Variants in MCAM observed in about 807,000 individuals in gnomAD.
MCAM encodes the protein cell surface glycoprotein MUC18.
In MCAM, 55 loss-of-function variants were observed where a neutral mutation model predicts 79.1. The observed-to-expected ratio is 0.70, with a 90% CI of 0.56 to 0.87. The LOEUF is 0.87. Ranked by LOEUF, MCAM falls within the 40% of genes least tolerant of loss-of-function variation. The pLI is 0.00. For missense variants in MCAM, 745 were observed against 839.8 expected, an observed-to-expected ratio of 0.89 and a Z score of 1.40; for synonymous variants, 330 against 339.8, an observed-to-expected ratio of 0.97 and a Z score of 0.32.
At chr11:119,314,270 C>T (rs1950276549) in intron 5 of MCAM, 4 of 545,692 alleles carry the variant, frequency 7.3e-6, no homozygotes, top group Middle Eastern at 5.2e-4. Context: ...ATCCTCCTGC[C>T]TCAGCCTCCC....
In MCAM at chr11:119,315,082, A is replaced by G. The variant is rs762031691; in HGVS notation, c.193-42T>C. The stretch of plus-strand genomic sequence containing the variant: ...CAGAGGAGGAGAAGGGTCCTGGGCT[A>G]CAAGAGGGGCAGAGTCTCCCTCCCC... On this transcript the variant is annotated intron_variant, in intron 2 of 15. Transcript: ENST00000264036. The surrounding 1 kb of genome is among the most constrained non-coding windows in gnomAD (Gnocchi z 4.4). The G allele has an allele frequency of 6.2e-6, 10 of 1,611,096 alleles. No homozygotes were observed. The highest frequency in any genetic ancestry group is 2.7e-5 in the African/African-American group (2 of 74,898).
Position 119,317,088 on chromosome 11 carries a change from C to T in MCAM, c.14G>A (p.Arg5Lys). Residue 5 changes from arginine (R) to lysine (K), a missense_variant, in exon 1 of 16, where the codon AGG (arginine) becomes AAG (lysine). Coordinates refer to ENST00000264036, the MANE Select transcript of MCAM (RefSeq NM_006500.3). This position sits in a 1 kb window ranked among gnomAD's most constrained non-coding sequence, Gnocchi z 6.2. ...GGCGAGCAAGAAGGCGCAGACCAGCCTGGGAAGCCCCATGCTTCCCGGCCG... is the reference window on the plus strand; with the variant it reads ...GGCGAGCAAGAAGGCGCAGACCAGCTTGGGAAGCCCCATGCTTCCCGGCCG... Reference protein sequence around the residue: MGLPRLVCAFLLAAC... With the variant: MGLPKLVCAFLLAAC... The T allele has an allele frequency of 2.6e-6, 4 of 1,531,358 alleles. No individual in the cohort carries two copies. The highest frequency in any genetic ancestry group is 3.5e-6 in the Non-Finnish European group (4 of 1,142,994). 94.9% of individuals were successfully genotyped at this position (1,531,358 alleles called of 1,614,324 possible).
Position 119,309,910 on chromosome 11 carries a change from C to A in MCAM, c.1917G>T (p.Glu639Asp), listed in dbSNP as rs1024423215. 6.2e-7 allele frequency: 1 copy of A among 1,601,418 alleles called. No homozygotes were observed. Among genetic ancestry groups the A allele is most frequent in the Admixed American group, 1.7e-5 (1 of 58,074 alleles). ...GCTAATGCCTCAGATCGATGTATTT[C>A]TCTCCCTAAAAGTGGGTAGAGGAGA... is the stretch of plus-strand genomic sequence containing the variant. ...GDKRAPGDQGEKYIDLRH is the reference protein window; with the variant it reads ...GDKRAPGDQGDKYIDLRH Residue 639 changes from glutamate to aspartate, a missense_variant, in exon 16 of 16, where the codon GAG (glutamate) becomes GAT (aspartate). By Grantham distance (45) the Glu-to-Asp change is conservative. Coordinates refer to ENST00000264036, the MANE Select transcript of MCAM (RefSeq NM_006500.3).
chr11:119,312,303 T>C lies in MCAM; in HGVS notation c.987A>G (p.Ile329Met), dbSNP rs1366199302. 1 of 1,614,070 alleles carries C rather than the reference T, an allele frequency of 6.2e-7. No homozygotes were observed. The highest frequency in any genetic ancestry group is 8.5e-7 in the Non-Finnish European group (1 of 1,179,996). Residue 329 changes from isoleucine to methionine, a missense_variant, in exon 8 of 16, where the codon ATA becomes ATG. Transcript: ENST00000264036. This position sits in a 1 kb window ranked among gnomAD's most constrained non-coding sequence, Gnocchi z 4.9. ...ECQGLDLDTMISLLSEPQELL... is the reference protein window; with the variant it reads ...ECQGLDLDTMMSLLSEPQELL... ...GTTCCTGTGGTTCACTCAGCAGCGA[T>C]ATCATGGTGTCCAAGTCCAGGCCCT...
chr11:119,315,533 A>C lies in MCAM; in HGVS notation c.68-270T>G. ...CAGCTGAGGCTGGTAGAGGGGCAGA[A>C]AGGGGCAACCTAGGCTCGGGGCCAA... On this transcript the variant is annotated intron_variant, in intron 1 of 15. Transcript: ENST00000264036. The surrounding 1 kb of genome is among the most constrained non-coding windows in gnomAD (Gnocchi z 4.4). 2.2e-6 allele frequency: 1 copy of C among 461,916 alleles called. No homozygotes were observed. The allele number at this position is 461,916 out of a possible 1,614,324, so 28.6% of individuals were successfully genotyped here. A position where few individuals can be genotyped will look rare whatever the true frequency, so the allele number is the denominator to read the frequency against.
rs112778671 is a variant in MCAM, at chr11:119,312,526, C to G, written c.861+1G>C. On this transcript the variant is annotated splice_donor_variant, in intron 7 of 15. Coordinates refer to ENST00000264036, the MANE Select transcript of MCAM (RefSeq NM_006500.3). LOFTEE classifies it high-confidence loss of function. This position sits in a 1 kb window ranked among gnomAD's most constrained non-coding sequence, Gnocchi z 4.9. ...CTGCACCCAGCACAAAGCCCCCACA[C>G]CTGCTTGCTGATGCTGAAGTGTGGT... The G allele has an allele frequency of 6.2e-7, 1 of 1,614,168 alleles. No individual in the cohort carries two copies. The highest frequency in any genetic ancestry group is 8.5e-7 in the Non-Finnish European group (1 of 1,180,038).
intron 14 of MCAM, 30 bp downstream of exon 14, chr11:119,310,726 C>G: frequency 1.2e-6 from 2 of 1,601,902 alleles, no homozygotes; most frequent in Non-Finnish European, 1.7e-6. Context: ...GCAAAACGGG[C>G]GGGGGCGGAG....
chr11:119,313,643 C>T (rs969859410), intron 5 of MCAM: 7 of 250,636 alleles, frequency 2.8e-5, no homozygotes, highest in South Asian at 1.0e-4. Flanking sequence ...TCAGGTGATC[C>T]GCCCACCTTG....
In MCAM at chr11:119,314,550, C is replaced by A; in HGVS notation, c.498G>T (p.Gly166=). Residue 166 remains glycine (G), a synonymous_variant, in exon 5 of 16, where the codon GGG becomes GGT. Transcript: ENST00000264036. ...ACCAGATGACTTGAGGAATGGGGTA[C>A]CCGTTCCTCCCTACACAGGTAGCGA... ...EEVATCVGRN[G]YPIPQVIWYK... The A allele has an allele frequency of 6.2e-7, 1 of 1,613,874 alleles. No individual in the cohort carries two copies. The highest frequency in any genetic ancestry group is 2.2e-5 in the East Asian group (1 of 44,874).
intron 5 of MCAM, chr11:119,313,199 A>G: frequency 1.4e-6 from 2 of 1,465,948 alleles, no homozygotes; most frequent in Non-Finnish European, 9.1e-7. Flanking sequence ...GATAAAAACG[A>G]GCAGCCGTCT....
rs768449741 is a variant in MCAM at position 119,315,265 on chromosome 11, T to TG, written c.68-3dup. 4.5e-5 allele frequency: 72 copies of TG among 1,607,288 alleles called. No homozygotes were observed. In the African/African-American group the frequency reaches 8.4e-4, roughly 19 times the overall value. On this transcript the variant is annotated splice_polypyrimidine_tract_variant and splice_region_variant and intron_variant, in intron 1 of 15. Coordinates refer to ENST00000264036, the MANE Select transcript of MCAM (RefSeq NM_006500.3). The surrounding 1 kb of genome is among the most constrained non-coding windows in gnomAD (Gnocchi z 4.4). The stretch of plus-strand genomic sequence containing the variant: ...GCTGCTCAGCCTCTCCGGGCACACC[T>TG]GGGGGAGGGAGGCGGGGCCCCCGCA...
chr11:119,313,253 T>G (rs1227710188), intron 5 of MCAM: 1 of 1,387,174 alleles, frequency 7.2e-7, no homozygotes, highest in Admixed American at 2.2e-5. Flanking sequence ...CTACCTGCTA[T>G]GCGTAGTATG....
chr11:119,313,140 A>G, intron 5 of MCAM, 191 bp from the exon 6 acceptor site: 1 of 1,528,468 alleles, frequency 6.5e-7, no homozygotes, highest in Non-Finnish European at 8.8e-7. Flanking sequence ...CTAGAAAAAC[A>G]TTTTCATGTC....
rs573751223 is a variant in MCAM, at chr11:119,315,339, G to A, written c.68-76C>T. On this transcript the variant is annotated intron_variant, in intron 1 of 15. Transcript: ENST00000264036. This position sits in a 1 kb window ranked among gnomAD's most constrained non-coding sequence, Gnocchi z 4.4. The stretch of plus-strand genomic sequence containing the variant: ...CCGCCCCTCCCCTCGCAGCGCTGCT[G>A]CAGCTGTTTTTCCTGCCACTCAGAG... 3.3e-6 allele frequency: 5 copies of A among 1,519,956 alleles called. No homozygotes were observed. The East Asian group carries it at 9.7e-5, about 30-fold the overall frequency. 94.2% of individuals were successfully genotyped at this position (1,519,956 alleles called of 1,614,324 possible). A position where few individuals can be genotyped will look rare whatever the true frequency, so the allele number is the denominator to read the frequency against.
chr11:119,314,647 C>A (rs746884239), intron 4 of MCAM, 32 bp downstream of exon 4: 1 of 1,613,088 alleles, frequency 6.2e-7, no homozygotes, highest in Admixed American at 1.7e-5. Flanking sequence ...GGCTGCGCAC[C>A]AGCTGCCCAG....
Position 119,312,690 on chromosome 11 carries a change from C to T in MCAM, c.740-42G>A, listed in dbSNP as rs549716567. 442 of 1,614,010 alleles carry T rather than the reference C, an allele frequency of 2.7e-4. No homozygotes were observed. The South Asian group carries it at 4.1e-3, about 15-fold the overall frequency. ...GGTAGCTCTTGGCCCATGAGTCAACCCTGGGCTGGATAAGGGGGAGCCAGC... is the reference window on the plus strand; with the variant it reads ...GGTAGCTCTTGGCCCATGAGTCAACTCTGGGCTGGATAAGGGGGAGCCAGC... On this transcript the variant is annotated intron_variant, in intron 6 of 15. Transcript: ENST00000264036. This position sits in a 1 kb window ranked among gnomAD's most constrained non-coding sequence, Gnocchi z 4.9.
rs138068064 is a variant in MCAM, at chr11:119,312,613, C to T, written c.775G>A (p.Val259Met). The change falls in exon 7 of 16, where the codon GTG becomes ATG. Residue 259 changes from valine (V) to methionine (M), a missense_variant. Physicochemically the swap from Val to Met is conservative, Grantham distance 21 (BLOSUM62 1). Transcript: ENST00000264036. This position sits in a 1 kb window ranked among gnomAD's most constrained non-coding sequence, Gnocchi z 4.9. ...CGGTCCCCTTCCTTCAGCATTCCCA[C>T]GGGCTCCACTTCCAGCCACACTTTT... is the stretch of plus-strand genomic sequence containing the variant. ...TEKVWLEVEP[V>M]GMLKEGDRVE... is the part of the protein sequence containing the mutation. 4.2e-5 allele frequency: 68 copies of T among 1,614,108 alleles called. No homozygotes were observed. The highest frequency in any genetic ancestry group is 3.3e-4 in the African/African-American group (25 of 75,030).
rs1035647022 is a variant in MCAM at position 119,312,183 on chromosome 11, C to G, written c.1025-13G>C. 6.2e-7 allele frequency: 1 copy of G among 1,610,770 alleles called. No homozygotes were observed. The highest frequency in any genetic ancestry group is 1.3e-5 in the African/African-American group (1 of 74,868). On this transcript the variant is annotated splice_polypyrimidine_tract_variant and intron_variant, in intron 8 of 15. Transcript: ENST00000264036. The surrounding 1 kb of genome is among the most constrained non-coding windows in gnomAD (Gnocchi z 4.9). ...ACGTCAGACACATCTGGGGGTACAG[C>G]AATCATGTCACCCAGGGCAGGGTGG...
At position 119,311,717 on chromosome 11, in the gene MCAM, C is replaced by T. The variant is rs1950236720; in HGVS notation, c.1286-66G>A. The T allele has an allele frequency of 3.6e-5, 58 of 1,608,902 alleles. No individual in the cohort carries two copies. In the South Asian group the frequency reaches 5.5e-4, roughly 15 times the overall value. On this transcript the variant is annotated intron_variant, in intron 10 of 15. Transcript: ENST00000264036. This position sits in a 1 kb window ranked among gnomAD's most constrained non-coding sequence, Gnocchi z 4.4. ...GCCTGCCTCCCCCTCCGCACCAGAGCTCCCCAGGGCAGCAGGTGGCTTTTT... is the reference window on the plus strand; with the variant it reads ...GCCTGCCTCCCCCTCCGCACCAGAGTTCCCCAGGGCAGCAGGTGGCTTTTT...
Sources: allele counts gnomAD v4.1 joint callset, GRCh38; gene constraint gnomAD v4.1.1; non-coding constraint Gnocchi (gnomAD v3.1); transcripts MANE v1.5; gene names NCBI Gene and HGNC (gene_info 2026-07-23, HGNC 2026-07-21).